The following KCNMA1 variants were observed in gnomAD, a reference collection of about 807,000 sequenced individuals.
KCNMA1 encodes Calcium-activated potassium channel subunit alpha-1.
In KCNMA1, 29 loss-of-function variants were observed where a neutral mutation model predicts 140.0. The observed-to-expected ratio is 0.21, with a 90% CI of 0.15 to 0.28. The LOEUF (loss-of-function observed/expected upper bound fraction) is 0.28. Among genes scored for constraint, KCNMA1 ranks in the 10% least tolerant of loss-of-function variants. The pLI is 1.00. For synonymous variants in KCNMA1, 612 were observed against 611.9 expected (o/e 1.00, Z 0.00); for missense variants, 880 against 1,602.2 (o/e 0.55, Z 7.70).
chr10:77,434,484 T>C (rs991054993), intron 1 of KCNMA1, among the ~76,000 whole-genome samples: 1 of 152,200 alleles, frequency 6.6e-6, no homozygotes, highest in Non-Finnish European at 1.5e-5. Flanking sequence ...AACCCTCTCC[T>C]AAGCGAGAGG....
At chr10:77,541,938 C>A (rs111699929) in intron 1 of KCNMA1, among the ~76,000 whole-genome samples, 2,139 of 152,286 alleles carry the variant, frequency 0.014, 21 homozygotes, top group Non-Finnish European at 0.021. Flanking sequence ...TGGAGGGTAT[C>A]TTTAGGTCAT....
intron 1 of KCNMA1, among the ~76,000 whole-genome samples, chr10:77,589,781 A>C (rs2078441269): frequency 6.6e-6 from 1 of 152,130 alleles, no homozygotes; most frequent in Non-Finnish European, 1.5e-5. Context: ...TCATAAAGGC[A>C]GCGTGGGCCC....
chr10:77,143,772 A>G (rs2098232492), intron 5 of KCNMA1, among the ~76,000 whole-genome samples: 1 of 152,214 alleles, frequency 6.6e-6, no homozygotes, highest in Non-Finnish European at 1.5e-5. Context: ...TTCTCATAAA[A>G]AGACAATAAA....
intron 14 of KCNMA1, among the ~76,000 whole-genome samples, chr10:77,064,316 T>C (rs1006859562): frequency 1.3e-5 from 2 of 152,204 alleles, no homozygotes; most frequent in East Asian, 3.8e-4. Context: ...TTGCTTTTGA[T>C]TCACCAAACA....
intron 1 of KCNMA1, among the ~76,000 whole-genome samples, chr10:77,621,666 C>T (rs1220165887): frequency 1.3e-5 from 2 of 152,168 alleles, no homozygotes; most frequent in Non-Finnish European, 2.9e-5. Flanking sequence ...CAGTGGCTCA[C>T]GCCTGTAATT....
At chr10:76,967,475 T>C (rs2074397325) in intron 20 of KCNMA1, among the ~76,000 whole-genome samples, 1 of 152,112 alleles carries the variant, frequency 6.6e-6, no homozygotes, top group Admixed American at 6.6e-5. Context: ...TCATTGCCAG[T>C]GCCAGATATT....
intron 1 of KCNMA1, among the ~76,000 whole-genome samples, chr10:77,419,319 G>A (rs538069693): frequency 3.3e-5 from 5 of 152,266 alleles, no homozygotes; most frequent in South Asian, 4.1e-4. Context: ...GACGCCCCAC[G>A]TCTCCATAAC....
intron 1 of KCNMA1, among the ~76,000 whole-genome samples, chr10:77,557,466 T>C (rs1369630695): frequency 6.6e-6 from 1 of 152,186 alleles, no homozygotes; most frequent in African/African-American, 2.4e-5. Context: ...TTCAACACTG[T>C]TTATACAGTT....
At chr10:77,345,455 C>G (rs2091947940) in intron 2 of KCNMA1, among the ~76,000 whole-genome samples, 1 of 152,126 alleles carries the variant, frequency 6.6e-6, no homozygotes, top group African/African-American at 2.4e-5. Flanking sequence ...ATGCTTCTGA[C>G]TTAGTGAGTC....
intron 1 of KCNMA1, among the ~76,000 whole-genome samples, chr10:77,626,217 G>GT (rs369506359): frequency 1.3e-3 from 188 of 144,732 alleles, no homozygotes; most frequent in Admixed American, 2.1e-3. Context: ...AAATGATTGG[G>GT]TTTTTTTTTT....
chr10:77,282,007 A>C (rs2068785922), intron 2 of KCNMA1, among the ~76,000 whole-genome samples: 1 of 152,190 alleles, frequency 6.6e-6, no homozygotes, highest in Non-Finnish European at 1.5e-5. Context: ...GTTTGGGTTA[A>C]CAGGGAGGTT....
intron 1 of KCNMA1, among the ~76,000 whole-genome samples, chr10:77,525,338 C>A (rs2055170551): frequency 6.6e-6 from 1 of 152,198 alleles, no homozygotes; most frequent in Non-Finnish European, 1.5e-5. Context: ...AGGTTGGAAC[C>A]CGTTCTCTTC....
At chr10:77,087,770 G>A (rs1595693221) in intron 10 of KCNMA1, among the ~76,000 whole-genome samples, 1 of 152,298 alleles carries the variant, frequency 6.6e-6, no homozygotes, top group East Asian at 1.9e-4. Flanking sequence ...GCTAGGCACT[G>A]GGAGATGATA....
rs562995403 is a variant in KCNMA1, at chr10:76,961,147, C to T, written c.2361-7223G>A. 1.3e-4 allele frequency among the ~76,000 whole-genome samples: 19 copies of T among 150,764 alleles called. No homozygotes were observed. The South Asian group carries it at 4.0e-3, about 32-fold the overall frequency. Reference sequence around the variant, plus strand: ...TTGAAAAACTTCTGAAAAAGAATCGCCATTCTAGATGCTAATAAGAACATT... The same window carrying T: ...TTGAAAAACTTCTGAAAAAGAATCGTCATTCTAGATGCTAATAAGAACATT... On this transcript the variant is annotated intron_variant, in intron 20 of 27. Coordinates refer to ENST00000286628, the MANE Select transcript of KCNMA1 (RefSeq NM_001161352.2).
chr10:77,446,168 C>T (rs2097526448), intron 1 of KCNMA1, among the ~76,000 whole-genome samples: 1 of 152,224 alleles, frequency 6.6e-6, no homozygotes, highest in Admixed American at 6.5e-5. Context: ...CGGTGTCCCA[C>T]TCTTACAGCC....
At chr10:77,187,968 A>G (rs1452142199) in intron 3 of KCNMA1, among the ~76,000 whole-genome samples, 1 of 152,154 alleles carries the variant, frequency 6.6e-6, no homozygotes, top group African/African-American at 2.4e-5. Flanking sequence ...AAAAAAGAAT[A>G]CATATTTCAA....
intron 1 of KCNMA1, among the ~76,000 whole-genome samples, chr10:77,431,482 G>A (rs1231125138): frequency 1.3e-5 from 2 of 152,016 alleles, no homozygotes; most frequent in Non-Finnish European, 2.9e-5. Context: ...ATGGATGCAG[G>A]AACAGCCAAG....
At chr10:77,101,490 G>A (rs2097096608) in intron 9 of KCNMA1, among the ~76,000 whole-genome samples, 1 of 152,194 alleles carries the variant, frequency 6.6e-6, no homozygotes, top group Non-Finnish European at 1.5e-5. Context: ...ATTGGGGCCT[G>A]TGTTTCCTTC....
At chr10:77,554,324 T>C (rs1261937822) in intron 1 of KCNMA1, among the ~76,000 whole-genome samples, 1 of 151,948 alleles carries the variant, frequency 6.6e-6, no homozygotes, top group Non-Finnish European at 1.5e-5. Context: ...GGGCTGGGTG[T>C]GGTGGCTCAC....
Sources: gnomAD v4.1 joint callset for allele counts (sites outside exome capture counted in the v4.1 genomes callset) on GRCh38, gnomAD v4.1.1 for gene constraint, MANE v1.5 for transcripts, NCBI Gene and HGNC (gene_info 2026-07-23, HGNC 2026-07-21) for gene names.